The following ADAMTSL3 variants were observed in gnomAD, a reference collection of about 807,000 sequenced individuals.
The protein encoded by ADAMTSL3 is ADAMTS-like protein 3.
Under a neutral mutation model 201.7 loss-of-function variants are expected in ADAMTSL3, and 128 were observed. The observed-to-expected ratio is 0.63, with a 90% CI of 0.55 to 0.73. The LOEUF (loss-of-function observed/expected upper bound fraction) is 0.73. Ranked by LOEUF, ADAMTSL3 falls within the 30% of genes least tolerant of loss-of-function variation. The pLI is 0.00. For synonymous variants in ADAMTSL3, 738 were observed against 748.4 expected (o/e 0.99, Z 0.23); for missense variants, 1,990 against 2,119.6 (o/e 0.94, Z 1.20).
intron 4 of ADAMTSL3, among the ~76,000 whole-genome samples, chr15:83,781,069 A>C (rs1191466250): frequency 6.6e-6 from 1 of 152,330 alleles, no homozygotes; most frequent in South Asian, 2.1e-4. Flanking sequence ...TTTCTATTCA[A>C]GTAACATTGA....
At chr15:83,944,319 G>A (rs371002134) in intron 19 of ADAMTSL3, among the ~76,000 whole-genome samples, 1 of 152,082 alleles carries the variant, frequency 6.6e-6, no homozygotes, top group African/African-American at 2.4e-5. Flanking sequence ...ACATCTGCAG[G>A]CTGAGATTTT....
chr15:83,960,570 G>A (rs536755301), intron 19 of ADAMTSL3, among the ~76,000 whole-genome samples: 28 of 152,112 alleles, frequency 1.8e-4, no homozygotes, highest in Non-Finnish European at 3.2e-4. Context: ...GAGGGAGAAG[G>A]CATATTTTTA....
chr15:83,911,311 TATAG>T (rs1395610206), intron 15 of ADAMTSL3, among the ~76,000 whole-genome samples: 1 of 152,192 alleles, frequency 6.6e-6, no homozygotes, highest in Non-Finnish European at 1.5e-5. Flanking sequence ...TATAGGTATA[TATAG>T]ATAGTGTATG....
At chr15:83,814,063 C>G (rs1044154106) in intron 5 of ADAMTSL3, among the ~76,000 whole-genome samples, 1 of 152,106 alleles carries the variant, frequency 6.6e-6, no homozygotes, top group East Asian at 1.9e-4. Flanking sequence ...AGAGGGAGGC[C>G]TGGTGTACTT....
intron 5 of ADAMTSL3, among the ~76,000 whole-genome samples, chr15:83,811,882 G>A (rs1459342845): frequency 4.6e-5 from 7 of 152,204 alleles, no homozygotes; most frequent in African/African-American, 1.4e-4. Flanking sequence ...GGCAGTGGAA[G>A]TGTCCAGAGC....
intron 2 of ADAMTSL3, among the ~76,000 whole-genome samples, chr15:83,669,249 G>A (rs911970255): frequency 5.9e-5 from 9 of 151,588 alleles, no homozygotes; most frequent in East Asian, 1.9e-4. Context: ...GGGTTCAAGC[G>A]ATTCTCCTGC....
intron 3 of ADAMTSL3, among the ~76,000 whole-genome samples, chr15:83,741,573 G>A (rs528119198): frequency 6.6e-6 from 1 of 152,082 alleles, no homozygotes; most frequent in Admixed American, 6.5e-5. Context: ...GAAATAAGTG[G>A]TATTAAGACT....
intron 6 of ADAMTSL3, among the ~76,000 whole-genome samples, chr15:83,832,321 C>A (rs1192158096): frequency 6.6e-6 from 1 of 152,022 alleles, no homozygotes; most frequent in East Asian, 1.9e-4. Context: ...CAGGAGTTTC[C>A]AGGGTTTAAA....
rs200639771 is a variant in ADAMTSL3, at chr15:83,967,239, GTC to G, written c.2491-3241_2491-3240del. ...AAATAGGAAGAGAGGAAGTCAAATT[GTC>G]TCTGTTTGCAGATGACATAATTATA... On this transcript the variant is annotated intron_variant, in intron 19 of 29. Transcript: ENST00000286744. 7.2e-5 allele frequency among the ~76,000 whole-genome samples: 11 copies of G among 152,254 alleles called. No individual in the cohort carries two copies. In the East Asian group the frequency reaches 2.1e-3, roughly 29 times the overall value.
intron 20 of ADAMTSL3, among the ~76,000 whole-genome samples, chr15:83,975,268 C>T (rs1019604405): frequency 2.6e-5 from 4 of 152,092 alleles, no homozygotes; most frequent in Non-Finnish European, 5.9e-5. Context: ...TCCCAAAGTG[C>T]TGGGATTACA....
At chr15:83,974,831 C>T (rs914290076) in intron 20 of ADAMTSL3, among the ~76,000 whole-genome samples, 3 of 151,850 alleles carry the variant, frequency 2.0e-5, no homozygotes, top group Non-Finnish European at 1.5e-5. Context: ...TTATTTTTCC[C>T]CAAAGTACTG....
intron 27 of ADAMTSL3, among the ~76,000 whole-genome samples, chr15:84,026,214 G>A (rs749200124): frequency 1.3e-5 from 2 of 152,008 alleles, no homozygotes; most frequent in Non-Finnish European, 2.9e-5. Flanking sequence ...GCTCAGAAAC[G>A]GACCAGATTG....
intron 2 of ADAMTSL3, among the ~76,000 whole-genome samples, chr15:83,657,769 G>A (rs2061109992): frequency 6.6e-6 from 1 of 152,320 alleles, no homozygotes; most frequent in South Asian, 2.1e-4. Context: ...GCTGTGGAGG[G>A]CCTGATCTTC....
At chr15:83,792,698 G>T (rs774460074) in intron 4 of ADAMTSL3, among the ~76,000 whole-genome samples, 1 of 151,830 alleles carries the variant, frequency 6.6e-6, no homozygotes, top group Non-Finnish European at 1.5e-5. Flanking sequence ...CAGGAGAATC[G>T]CTTGAACCTG....
chr15:83,889,559 G>T (rs1430953741), intron 10 of ADAMTSL3, among the ~76,000 whole-genome samples: 1 of 152,148 alleles, frequency 6.6e-6, no homozygotes, highest in Non-Finnish European at 1.5e-5. Context: ...CATATTTCAG[G>T]ACGTATCAAC....
At position 83,674,766 on chromosome 15, in the gene ADAMTSL3, C is replaced by CATATATATATAT. The variant is rs377132060; in HGVS notation, c.69+18948_69+18959dup. On this transcript the variant is annotated intron_variant, in intron 2 of 29. Transcript: ENST00000286744. ...ATATACATATATACACACATATATACATATATATATATATATATATATAAA... is the reference window on the plus strand; with the variant it reads ...ATATACATATATACACACATATATACATATATATATATATATATATATATATATATATATAAA... 9.3e-3 allele frequency among the ~76,000 whole-genome samples: 636 copies of CATATATATATAT among 68,066 alleles called. 8 individuals are homozygous for CATATATATATAT. Among genetic ancestry groups the CATATATATATAT allele is most frequent in the Non-Finnish European group, 0.014 (470 of 34,594 alleles). The allele number at this position is 68,066 out of a possible 152,430, so 44.7% of individuals were successfully genotyped here.
At chr15:83,927,838 C>A (rs926849697) in intron 17 of ADAMTSL3, among the ~76,000 whole-genome samples, 5 of 152,088 alleles carry the variant, frequency 3.3e-5, no homozygotes, top group African/African-American at 7.2e-5. Context: ...GAGCTGGTCT[C>A]CTGATTTCCA....
At chr15:83,743,083 G>T (rs1020552597) in intron 3 of ADAMTSL3, among the ~76,000 whole-genome samples, 1 of 151,950 alleles carries the variant, frequency 6.6e-6, no homozygotes, top group Non-Finnish European at 1.5e-5. Flanking sequence ...TTGTAACTGC[G>T]CTTACCTCCT....
chr15:83,792,008 T>C (rs1483913412), intron 4 of ADAMTSL3, among the ~76,000 whole-genome samples: 1 of 151,562 alleles, frequency 6.6e-6, no homozygotes, highest in Non-Finnish European at 1.5e-5. Flanking sequence ...GCCAGAAAAA[T>C]ATGGACAAAT....
Sources: gnomAD v4.1 joint callset for allele counts (sites outside exome capture counted in the v4.1 genomes callset) on GRCh38, gnomAD v4.1.1 for gene constraint, MANE v1.5 for transcripts, NCBI Gene and HGNC (gene_info 2026-07-23, HGNC 2026-07-21) for gene names.